Variants in EEIG2 observed in about 807,000 individuals in gnomAD.
EEIG2 encodes the protein family with sequence similarity 102 member B.
the EEIG2 span, among the ~76,000 whole-genome samples, chr1:108,615,601 C>G: frequency 6.6e-6 from 1 of 151,212 alleles, no homozygotes; most frequent in Non-Finnish European, 1.5e-5. Flanking sequence ...TAAGCAAGAC[C>G]TCATTTCTGC....
chr1:108,585,578 A>G, the EEIG2 span, among the ~76,000 whole-genome samples: 8 of 152,104 alleles, frequency 5.3e-5, no homozygotes, highest in African/African-American at 1.9e-4. Flanking sequence ...CAGTCCTTTT[A>G]TATACAGCCA....
At chr1:108,614,913 G>A in the EEIG2 span, among the ~76,000 whole-genome samples, 8 of 152,114 alleles carry the variant, frequency 5.3e-5, no homozygotes, top group African/African-American at 1.7e-4. Context: ...TGAGACATCC[G>A]TGATATTCAA....
At chr1:108,611,603 G>C in the EEIG2 span, among the ~76,000 whole-genome samples, 2 of 152,314 alleles carry the variant, frequency 1.3e-5, no homozygotes, top group Non-Finnish European at 2.9e-5. Flanking sequence ...AAATGTGGAA[G>C]GTAGTGAAAG....
At chr1:108,569,869 G>A in the EEIG2 span, among the ~76,000 whole-genome samples, 3 of 151,900 alleles carry the variant, frequency 2.0e-5, no homozygotes, top group East Asian at 1.9e-4. Context: ...ATACCCATAC[G>A]TGTCCAACCT....
chr1:108,584,946 G>A, the EEIG2 span, among the ~76,000 whole-genome samples: 1 of 152,076 alleles, frequency 6.6e-6, no homozygotes, highest in Admixed American at 6.6e-5. Context: ...CCAAAAAAAG[G>A]TAATTGGTTG....
the EEIG2 span, among the ~76,000 whole-genome samples, chr1:108,619,921 A>G: frequency 6.6e-6 from 1 of 152,186 alleles, no homozygotes; most frequent in Admixed American, 6.5e-5. Flanking sequence ...GAATCCTAGT[A>G]TATAAAATTT....
the EEIG2 span, among the ~76,000 whole-genome samples, chr1:108,593,163 A>T: frequency 6.6e-6 from 1 of 152,152 alleles, no homozygotes; most frequent in Non-Finnish European, 1.5e-5. Context: ...TCTCCAAAAA[A>T]ATAAAAAATA....
chr1:108,614,057 C>G, the EEIG2 span, among the ~76,000 whole-genome samples: 1 of 151,914 alleles, frequency 6.6e-6, no homozygotes. Context: ...GTCTCCTACT[C>G]ACTTAGCTAT....
At chr1:108,599,880 T>C in the EEIG2 span, among the ~76,000 whole-genome samples, 1 of 152,166 alleles carries the variant, frequency 6.6e-6, no homozygotes, top group East Asian at 1.9e-4. Context: ...TAATCCCAGC[T>C]ACTCAAGAGG....
At chr1:108,608,464 A>G in the EEIG2 span, among the ~76,000 whole-genome samples, 3 of 152,238 alleles carry the variant, frequency 2.0e-5, no homozygotes, top group African/African-American at 4.8e-5. Flanking sequence ...TCTGGGACAA[A>G]TACAGCTAGT....
chr1:108,560,481 T>G, the EEIG2 span: 1 of 1,613,018 alleles, frequency 6.2e-7, no homozygotes. Flanking sequence ...CTCGAGGAGC[T>G]CTCCTCAGTG....
At chr1:108,598,784 G>A in the EEIG2 span, among the ~76,000 whole-genome samples, 1 of 152,068 alleles carries the variant, frequency 6.6e-6, no homozygotes, top group African/African-American at 2.4e-5. Flanking sequence ...TTTAAATTAT[G>A]TTTGCTTTTT....
At chr1:108,571,974 T>G in the EEIG2 span, among the ~76,000 whole-genome samples, 20 of 152,176 alleles carry the variant, frequency 1.3e-4, 1 homozygote, top group Non-Finnish European at 2.9e-4. Flanking sequence ...ACAAACTTCA[T>G]GAGAAAAATA....
chr1:108,560,440 G>A, the EEIG2 span: 13 of 1,609,980 alleles, frequency 8.1e-6, no homozygotes, highest in Admixed American at 3.3e-5. Context: ...TGATGAAGAA[G>A]AAGAAGTTTA....
At chr1:108,628,378 G>A in the EEIG2 span, 1 of 1,612,846 alleles carries the variant, frequency 6.2e-7, no homozygotes, top group Admixed American at 1.7e-5. Flanking sequence ...TATATCCAAG[G>A]TGATTTTCTC....
chr1:108,560,337 C>T, the EEIG2 span: 2 of 1,038,548 alleles, frequency 1.9e-6, no homozygotes, highest in East Asian at 7.0e-5. Flanking sequence ...GCTCGCGGCC[C>T]CGGCCATGGG....
chr1:108,607,818 G>A, the EEIG2 span, among the ~76,000 whole-genome samples: 1,171 of 152,066 alleles, frequency 7.7e-3, 13 homozygotes, highest in African/African-American at 0.027. Context: ...CCATTCCCAG[G>A]GCCACTGCCT....
chr1:108,628,437 T>C, the EEIG2 span: 3 of 1,613,900 alleles, frequency 1.9e-6, no homozygotes, highest in African/African-American at 1.3e-5. Context: ...TTCTCTGAGC[T>C]CTGCCACAGG....
chr1:108,595,205 A>AGCCATGCTG, the EEIG2 span, among the ~76,000 whole-genome samples: 1 of 151,928 alleles, frequency 6.6e-6, no homozygotes, highest in Non-Finnish European at 1.5e-5. Flanking sequence ...ATGCTGCTGT[A>AGCCATGCTG]CTTCAGCCTG....
Sources: gnomAD v4.1 joint callset for allele counts (sites outside exome capture counted in the v4.1 genomes callset) on GRCh38, gnomAD v4.1.1 for gene constraint, MANE v1.5 for transcripts, NCBI Gene and HGNC (gene_info 2026-07-23, HGNC 2026-07-21) for gene names.